PRLR: variants seen among roughly 807,000 people sequenced by gnomAD.
PRLR encodes the protein prolactin receptor.
PRLR carries 13 observed loss-of-function variants against 40.2 expected under a neutral mutation model. That is an observed-to-expected ratio of 0.32 (90% CI 0.21 to 0.51). The LOEUF (loss-of-function observed/expected upper bound fraction) is 0.51. Ranked by LOEUF, PRLR falls within the 20% of genes least tolerant of loss-of-function variation. The pLI is 0.97. For synonymous variants in PRLR, 269 were observed against 278.7 expected (o/e 0.97, Z 0.35); for missense variants, 656 against 747.3 (o/e 0.88, Z 1.42).
chr5:35,095,419 A>G (rs992912133), intron 2 of PRLR, among the ~76,000 whole-genome samples: 2 of 152,232 alleles, frequency 1.3e-5, no homozygotes, highest in African/African-American at 4.8e-5. Context: ...TACAGCCAGC[A>G]TAGTTTTCAG....
At chr5:35,228,232 CAAAA>C (rs55934270) in intron 1 of PRLR, among the ~76,000 whole-genome samples, 13 of 87,428 alleles carry the variant, frequency 1.5e-4, no homozygotes, top group South Asian at 5.0e-4. Context: ...AACAACCATG[CAAAA>C]AAAAAAAAAA....
At chr5:35,101,202 T>C (rs952927280) in intron 2 of PRLR, among the ~76,000 whole-genome samples, 3 of 152,208 alleles carry the variant, frequency 2.0e-5, no homozygotes, top group African/African-American at 7.2e-5. Context: ...TGTAAACATG[T>C]CTACAGGTGT....
At chr5:35,186,353 A>C (rs1405078605) in intron 1 of PRLR, among the ~76,000 whole-genome samples, 2 of 152,214 alleles carry the variant, frequency 1.3e-5, no homozygotes, top group African/African-American at 4.8e-5. Context: ...ACAAGTACAC[A>C]TTCCCTCTCC....
chr5:35,136,963 G>A (rs1475420877), intron 1 of PRLR, among the ~76,000 whole-genome samples: 5 of 142,192 alleles, frequency 3.5e-5, no homozygotes, highest in Non-Finnish European at 7.5e-5. Context: ...AAAAAAAAAA[G>A]CCTAGCTAAT....
chr5:35,150,556 T>C (rs1774312371), intron 1 of PRLR, among the ~76,000 whole-genome samples: 1 of 152,214 alleles, frequency 6.6e-6, no homozygotes, highest in Non-Finnish European at 1.5e-5. Flanking sequence ...AGACAGTTAA[T>C]TGCCATGCAG....
chr5:35,079,355 C>CT (rs1554042922), intron 5 of PRLR, among the ~76,000 whole-genome samples: 2 of 152,180 alleles, frequency 1.3e-5, no homozygotes, highest in Non-Finnish European at 2.9e-5. Context: ...GCAACTTCAG[C>CT]AAGTCTCTGG....
chr5:35,132,352 T>C lies in PRLR; in HGVS notation c.-105-14230A>G, dbSNP rs1048026003. On this transcript the variant is annotated intron_variant, in intron 1 of 9. Coordinates refer to ENST00000618457, the MANE Select transcript of PRLR (RefSeq NM_000949.7). ...CCCTCTTTCTAGAACACAGGCACTATATTCAGAAACCTTTCCAGCCCAAAG... is the reference window on the plus strand; with the variant it reads ...CCCTCTTTCTAGAACACAGGCACTACATTCAGAAACCTTTCCAGCCCAAAG... Among the ~76,000 whole-genome samples, 7 of 152,156 alleles carry C rather than the reference T, an allele frequency of 4.6e-5. No homozygotes were observed. In the East Asian group the frequency reaches 1.2e-3, roughly 25 times the overall value.
At chr5:35,218,916 C>T (rs559862512) in intron 1 of PRLR, among the ~76,000 whole-genome samples, 1 of 152,104 alleles carries the variant, frequency 6.6e-6, no homozygotes, top group Admixed American at 6.5e-5. Context: ...GTGGGTACAA[C>T]ACAGAAACTA....
At chr5:35,175,005 C>G (rs553673151) in intron 1 of PRLR, among the ~76,000 whole-genome samples, 1 of 152,276 alleles carries the variant, frequency 6.6e-6, no homozygotes, top group East Asian at 1.9e-4. Flanking sequence ...TATTTTGTGA[C>G]TTAGCAAATG....
intron 1 of PRLR, among the ~76,000 whole-genome samples, chr5:35,119,027 G>A (rs35143774): frequency 3.3e-5 from 5 of 152,050 alleles, no homozygotes; most frequent in East Asian, 3.9e-4. Context: ...AACTCCTGGC[G>A]TCAATGATCT....
chr5:35,075,347 C>T (rs780524808), intron 5 of PRLR, among the ~76,000 whole-genome samples: 10 of 152,216 alleles, frequency 6.6e-5, no homozygotes, highest in Non-Finnish European at 7.3e-5. Flanking sequence ...TGTAATACTG[C>T]GCTTTTCCAA....
At chr5:35,175,300 C>A (rs750979660) in intron 1 of PRLR, among the ~76,000 whole-genome samples, 3 of 152,196 alleles carry the variant, frequency 2.0e-5, no homozygotes, top group Non-Finnish European at 4.4e-5. Context: ...CCTGCACAAG[C>A]TCTCTCTCTT....
At chr5:35,155,545 T>C (rs938275571) in intron 1 of PRLR, among the ~76,000 whole-genome samples, 1 of 152,218 alleles carries the variant, frequency 6.6e-6, no homozygotes, top group Non-Finnish European at 1.5e-5. Flanking sequence ...AAACCAAATA[T>C]TTGTTTAACA....
intron 1 of PRLR, among the ~76,000 whole-genome samples, chr5:35,229,702 G>A (rs1204939044): frequency 6.6e-6 from 1 of 152,000 alleles, no homozygotes; most frequent in Non-Finnish European, 1.5e-5. Context: ...CTTTTGGGAG[G>A]AGCAACACCT....
chr5:35,205,529 C>A (rs115420189), intron 1 of PRLR, among the ~76,000 whole-genome samples: 1,730 of 110,592 alleles, frequency 0.016, 14 homozygotes, highest in Non-Finnish European at 0.025. Flanking sequence ...GCACAGCATC[C>A]CTTCTATATC....
intron 1 of PRLR, among the ~76,000 whole-genome samples, chr5:35,203,276 T>A (rs1388675769): frequency 6.6e-6 from 1 of 152,234 alleles, no homozygotes; most frequent in Non-Finnish European, 1.5e-5. Context: ...GAACTTAGGA[T>A]CTTGGCAAAA....
chr5:35,110,325 G>A (rs1260883027), intron 2 of PRLR, among the ~76,000 whole-genome samples: 1 of 151,904 alleles, frequency 6.6e-6, no homozygotes, highest in Non-Finnish European at 1.5e-5. Context: ...TAACAAACCT[G>A]CATGTTGTGC....
intron 5 of PRLR, among the ~76,000 whole-genome samples, chr5:35,083,830 T>C (rs1470415149): frequency 7.4e-6 from 1 of 135,224 alleles, no homozygotes; most frequent in African/African-American, 3.1e-5. Context: ...CATTCTTTAT[T>C]TTCTTGAACA....
At chr5:35,164,760 C>G (rs1774772438) in intron 1 of PRLR, among the ~76,000 whole-genome samples, 1 of 152,074 alleles carries the variant, frequency 6.6e-6, no homozygotes, top group South Asian at 2.1e-4. Context: ...AGCAGTGGAA[C>G]CAGGCTGCTG....
Sources: allele counts gnomAD v4.1 joint callset (sites outside exome capture counted in the v4.1 genomes callset), GRCh38; gene constraint gnomAD v4.1.1; transcripts MANE v1.5; gene names NCBI Gene and HGNC (gene_info 2026-07-23, HGNC 2026-07-21).